The following MAN1A1 variants were observed in gnomAD, a reference collection of about 807,000 sequenced individuals.
MAN1A1 encodes mannosyl-oligosaccharide 1,2-alpha-mannosidase IA.
Under a neutral mutation model 70.8 loss-of-function variants are expected in MAN1A1, and 29 were observed. That is an observed-to-expected ratio of 0.41 (90% CI 0.31 to 0.56). The LOEUF (loss-of-function observed/expected upper bound fraction) is 0.56. Ranked by LOEUF, MAN1A1 falls within the 20% of genes least tolerant of loss-of-function variation. MAN1A1 has a pLI of 0.29. For synonymous variants in MAN1A1, 349 were observed against 330.1 expected, an observed-to-expected ratio of 1.06 and a Z score of -0.62; for missense variants, 747 against 841.3, an observed-to-expected ratio of 0.89 and a Z score of 1.39.
intron 5 of MAN1A1, among the ~76,000 whole-genome samples, chr6:119,257,870 T>A: frequency 6.6e-6 from 1 of 152,296 alleles, no homozygotes; most frequent in South Asian, 2.1e-4. Context: ...CAAGTCATTA[T>A]ACAGTGCCTA....
intron 2 of MAN1A1, among the ~76,000 whole-genome samples, chr6:119,317,733 T>A (rs1459478954): frequency 6.6e-6 from 1 of 152,204 alleles, no homozygotes; most frequent in East Asian, 1.9e-4. Flanking sequence ...AGTATAAGCA[T>A]TTCCTTTTTG....
At chr6:119,325,047 T>G (rs907120692) in intron 2 of MAN1A1, among the ~76,000 whole-genome samples, 6 of 152,184 alleles carry the variant, frequency 3.9e-5, no homozygotes, top group African/African-American at 1.4e-4. Context: ...AAGCATATTA[T>G]TCAATTAAAA....
At chr6:119,306,848 A>G (rs1245733909) in intron 3 of MAN1A1, 48 bp downstream of exon 3, 1 of 1,321,974 alleles carries the variant, frequency 7.6e-7, no homozygotes, top group Admixed American at 1.7e-5. Flanking sequence ...AGCTCAAGCA[A>G]TTGGGGAGAA....
intron 1 of MAN1A1, 53 bp downstream of exon 1, chr6:119,349,489 G>A (rs938851682): frequency 5.1e-6 from 5 of 972,018 alleles, no homozygotes; most frequent in Non-Finnish European, 6.1e-6. Flanking sequence ...GGGGTGTCCC[G>A]CGCAGGAAGG....
At chr6:119,207,134 T>C (rs1031088977) in intron 6 of MAN1A1, among the ~76,000 whole-genome samples, 1 of 152,194 alleles carries the variant, frequency 6.6e-6, no homozygotes, top group Non-Finnish European at 1.5e-5. Context: ...AAGCATTCAA[T>C]ACGTTTAGAA....
At chr6:119,293,521 G>C (rs1429918617) in intron 4 of MAN1A1, among the ~76,000 whole-genome samples, 1 of 151,910 alleles carries the variant, frequency 6.6e-6, no homozygotes, top group African/African-American at 2.4e-5. Context: ...AATAAATCTT[G>C]CTCTGGAACA....
At chr6:119,324,846 G>A (rs915296662) in intron 2 of MAN1A1, among the ~76,000 whole-genome samples, 3 of 152,026 alleles carry the variant, frequency 2.0e-5, no homozygotes, top group Non-Finnish European at 2.9e-5. Flanking sequence ...ACTGAAATTC[G>A]GGCTGGATAA....
chr6:119,235,492 G>A (rs928091208), intron 6 of MAN1A1, among the ~76,000 whole-genome samples: 2 of 152,292 alleles, frequency 1.3e-5, no homozygotes, highest in East Asian at 3.9e-4. Flanking sequence ...ACTGACAGAA[G>A]TGAAGAATCT....
intron 5 of MAN1A1, among the ~76,000 whole-genome samples, chr6:119,272,446 G>A (rs1775950246): frequency 6.6e-6 from 1 of 152,136 alleles, no homozygotes; most frequent in South Asian, 2.1e-4. Context: ...AAGGCTCTTT[G>A]CTATGCCTTT....
chr6:119,242,690 A>G (rs1775045456), intron 6 of MAN1A1, among the ~76,000 whole-genome samples: 1 of 152,210 alleles, frequency 6.6e-6, no homozygotes, highest in African/African-American at 2.4e-5. Flanking sequence ...AACCTTCTGC[A>G]CATTAACCAG....
chr6:119,290,072 T>C (rs1167462299), intron 5 of MAN1A1, among the ~76,000 whole-genome samples: 1 of 151,978 alleles, frequency 6.6e-6, no homozygotes, highest in Non-Finnish European at 1.5e-5. Context: ...TTTATGAGGA[T>C]GATACAAAAA....
Position 119,344,838 on chromosome 6 carries a change from T to C in MAN1A1, c.603+3625A>G, listed in dbSNP as rs3798656. On this transcript the variant is annotated intron_variant, in intron 2 of 12. Coordinates refer to ENST00000368468, the MANE Select transcript of MAN1A1 (RefSeq NM_005907.4). Reference sequence around the variant, plus strand: ...TAACTACTAGCCATCAATATGAAAATGTTCTTTAAATTCATGATTACACAA... The same window carrying C: ...TAACTACTAGCCATCAATATGAAAACGTTCTTTAAATTCATGATTACACAA... Among the ~76,000 whole-genome samples, 891 of 152,280 alleles carry C rather than the reference T, an allele frequency of 5.9e-3. 30 individuals carry two copies. In the East Asian group the frequency reaches 0.089, roughly 15 times the overall value.
intron 6 of MAN1A1, among the ~76,000 whole-genome samples, chr6:119,226,889 T>C (rs1774531154): frequency 6.6e-6 from 1 of 152,152 alleles, no homozygotes; most frequent in Admixed American, 6.5e-5. Context: ...CCAGCTGGTC[T>C]TGAACTCCTG....
chr6:119,203,308 A>G (rs1773767665), intron 7 of MAN1A1, among the ~76,000 whole-genome samples: 1 of 152,074 alleles, frequency 6.6e-6, no homozygotes, highest in Non-Finnish European at 1.5e-5. Context: ...GAAGTGAGGG[A>G]GTAGGCCACG....
At chr6:119,257,061 G>C (rs1775479164) in intron 5 of MAN1A1, among the ~76,000 whole-genome samples, 1 of 152,170 alleles carries the variant, frequency 6.6e-6, no homozygotes, top group South Asian at 2.1e-4. Context: ...TTAGGTCTAG[G>C]GGGAGAGGTA....
chr6:119,345,193 G>T (rs553184158), intron 2 of MAN1A1, among the ~76,000 whole-genome samples: 13 of 109,076 alleles, frequency 1.2e-4, no homozygotes, highest in Middle Eastern at 3.8e-3. Context: ...AGAGGTTGAG[G>T]GGGGGGCGGA....
intron 2 of MAN1A1, among the ~76,000 whole-genome samples, chr6:119,317,883 TA>T (rs140778713): frequency 3.2e-4 from 47 of 144,754 alleles, no homozygotes; most frequent in South Asian, 1.1e-3. Context: ...TTGTTTTTCC[TA>T]AAAAAAAAAC....
chr6:119,234,261 C>T (rs1191213412), intron 6 of MAN1A1, among the ~76,000 whole-genome samples: 1 of 152,116 alleles, frequency 6.6e-6, no homozygotes, highest in Non-Finnish European at 1.5e-5. Context: ...AGTGGTTCAC[C>T]TTTAAAATTC....
chr6:119,249,356 T>G (rs760545394), intron 5 of MAN1A1, among the ~76,000 whole-genome samples: 3 of 152,120 alleles, frequency 2.0e-5, no homozygotes, highest in Non-Finnish European at 4.4e-5. Flanking sequence ...CAGAACTGTG[T>G]TTTAGGAAGA....
Sources: gnomAD v4.1 joint callset for allele counts (sites outside exome capture counted in the v4.1 genomes callset) on GRCh38, gnomAD v4.1.1 for gene constraint, MANE v1.5 for transcripts, NCBI Gene and HGNC (gene_info 2026-07-23, HGNC 2026-07-21) for gene names.